Variants in NAAA observed in about 807,000 individuals in gnomAD.
NAAA encodes the protein N-acylethanolamine-hydrolyzing acid amidase.
NAAA carries 39 observed loss-of-function variants against 44.8 expected under a neutral mutation model. The observed-to-expected ratio is 0.87, with a 90% CI of 0.67 to 1.14. NAAA has a LOEUF of 1.14. Among genes scored for constraint, NAAA ranks in the 50% most tolerant of loss-of-function variants. The pLI, the probability that NAAA is intolerant of heterozygous loss-of-function variation, is 0.00. For synonymous variants in NAAA, 178 were observed against 191.3 expected (o/e 0.93, Z 0.58); for missense variants, 460 against 467.8 (o/e 0.98, Z 0.15).
intron 9 of NAAA, chr4:75,916,671 T>A (rs1257734514): frequency 6.6e-6 from 1 of 151,988 alleles, no homozygotes; most frequent in African/African-American, 2.4e-5. Context: ...ACTGCCACCA[T>A]GTAAAATTAT....
intron 5 of NAAA, 132 bp from the exon 6 acceptor site, chr4:75,921,255 T>C: frequency 1.2e-6 from 1 of 827,046 alleles, no homozygotes; most frequent in Non-Finnish European, 1.8e-6. Flanking sequence ...TGCTCTGACC[T>C]TATCCTCTTG....
intron 9 of NAAA, chr4:75,917,190 A>T: frequency 1.6e-6 from 1 of 625,738 alleles, no homozygotes; most frequent in Non-Finnish European, 2.0e-6. Context: ...GTGCCCCGCT[A>T]TGAAGGGTAC....
At position 75,919,238 on chromosome 4, in the gene NAAA, CA is replaced by C. The variant is rs1386736442; in HGVS notation, c.970-450del. 7 of 166,822 alleles carry C rather than the reference CA, an allele frequency of 4.2e-5. No individual in the cohort carries two copies. In the South Asian group the frequency reaches 1.1e-3, roughly 26 times the overall value. 10.3% of individuals were successfully genotyped at this position (166,822 alleles called of 1,614,324 possible). A position where few individuals can be genotyped will look rare whatever the true frequency, so the allele number is the denominator to read the frequency against. ...TATATTTTTAGTAGAGACGGGGTTT[CA>C]CCATGTTGGCCAGGCTGGTCTCGAA... is the stretch of plus-strand genomic sequence containing the variant. On this transcript the variant is annotated intron_variant, in intron 8 of 10. Coordinates refer to ENST00000286733, the MANE Select transcript of NAAA (RefSeq NM_014435.4).
Position 75,940,981 on chromosome 4 carries a change from C to T in NAAA, c.-32G>A. On this transcript the variant is annotated 5_prime_UTR_variant, in exon 1 of 11. Coordinates refer to ENST00000286733, the MANE Select transcript of NAAA (RefSeq NM_014435.4). ...GGCTCCAGCGGCCGCAACTTGGAGA[C>T]CTGCAGCCGCTGTCGGAGCCCGGGT... 6.9e-7 allele frequency: 1 copy of T among 1,442,952 alleles called. No homozygotes were observed. The highest frequency in any genetic ancestry group is 9.0e-7 in the Non-Finnish European group (1 of 1,108,944). The allele number at this position is 1,442,952 out of a possible 1,614,324, so 89.4% of individuals were successfully genotyped here.
chr4:75,940,324 A>C, intron 1 of NAAA, 159 bp from the exon 2 acceptor site: 2 of 485,450 alleles, frequency 4.1e-6, no homozygotes, highest in Non-Finnish European at 6.8e-6. Flanking sequence ...CTCAATCTGC[A>C]GCCTCCCGGG....
rs1728079769 is a variant in NAAA, at chr4:75,939,914, C to G, written c.371+87G>C. ...CAAGCAGGCACCGCCCTGTTTTTAT[C>G]ACACGGAAAATATGTCTCCTCCCGC... On this transcript the variant is annotated intron_variant, in intron 2 of 10. Transcript: ENST00000286733. The G allele has an allele frequency of 2.0e-6, 3 of 1,506,160 alleles. No individual in the cohort carries two copies. In the South Asian group the frequency reaches 3.5e-5, roughly 18 times the overall value. The allele number at this position is 1,506,160 out of a possible 1,614,324, so 93.3% of individuals were successfully genotyped here.
chr4:75,911,153 A>G (rs576554324), downstream of NAAA, among the ~76,000 whole-genome samples: 4 of 152,322 alleles, frequency 2.6e-5, no homozygotes, highest in South Asian at 6.2e-4. Context: ...CACAAAGTCA[A>G]TTGATCAGTT....
chr4:75,918,825 C>T, intron 8 of NAAA, 36 bp from the exon 9 acceptor site: 1 of 1,582,712 alleles, frequency 6.3e-7, no homozygotes, highest in Non-Finnish European at 8.7e-7. Context: ...GAGAAGATTA[C>T]ATGGTAGAAG....
intron 9 of NAAA, 47 bp from the exon 10 acceptor site, chr4:75,915,032 T>G (rs370161116): frequency 8.7e-5 from 122 of 1,396,450 alleles, no homozygotes; most frequent in Middle Eastern, 3.5e-4. Context: ...TTCTCTAATA[T>G]GCCAGAAAGG....
intron 9 of NAAA, 39 bp from the exon 10 acceptor site, chr4:75,915,024 C>T (rs1340617552): frequency 3.5e-6 from 5 of 1,434,978 alleles, no homozygotes; most frequent in South Asian, 3.4e-5. Context: ...ACATCATTTT[C>T]TCTAATATGC....
intron 3 of NAAA, among the ~76,000 whole-genome samples, chr4:75,932,165 G>A (rs1272501230): frequency 6.6e-6 from 1 of 152,152 alleles, no homozygotes; most frequent in East Asian, 1.9e-4. Flanking sequence ...GGAGGCGGAG[G>A]TTGCGGTGAA....
In NAAA at chr4:75,921,068, G is replaced by A. The variant is rs267600261; in HGVS notation, c.722C>T (p.Pro241Leu). The change falls in exon 6 of 11, where the codon CCC becomes CTC. Residue 241 changes from proline (P) to leucine (L), a missense_variant. By Grantham distance (98) the Pro-to-Leu change is moderately conservative. Transcript: ENST00000286733. ...EAAVGKLAKT[P>L]LIADVYYIVG... Reference sequence around the variant, plus strand: ...AATGTAATAAACATCAGCAATAAGGGGAGTCTTGGCCAACTTGCCAACAGC... The same window carrying A: ...AATGTAATAAACATCAGCAATAAGGAGAGTCTTGGCCAACTTGCCAACAGC... The A allele has an allele frequency of 1.3e-6, 2 of 1,599,180 alleles. No homozygotes were observed. The highest frequency in any genetic ancestry group is 1.7e-6 in the Non-Finnish European group (2 of 1,176,058).
At chr4:75,919,861 C>T (rs1725983914) in intron 8 of NAAA, 48 bp downstream of exon 8, 1 of 1,531,432 alleles carries the variant, frequency 6.5e-7, no homozygotes, top group African/African-American at 1.4e-5. Context: ...TCACTATTAA[C>T]AAAACACCAA....
At position 75,940,768 on chromosome 4, in the gene NAAA, C is replaced by T. The variant is rs1431782063; in HGVS notation, c.182G>A (p.Arg61His). 3.1e-6 allele frequency: 5 copies of T among 1,597,916 alleles called. No homozygotes were observed. Among genetic ancestry groups the T allele is most frequent in the African/African-American group, 2.7e-5 (2 of 74,546 alleles). ...CCCGATGACTTGCGCCATCGCGGCG[C>T]GCACCAAGTCCAAGTCGTAGTGCCG... is the stretch of plus-strand genomic sequence containing the variant. ...VLRHYDLDLV[R>H]AAMAQVIGDR... The change falls in exon 1 of 11, where the codon CGC (arginine) becomes CAC (histidine). Residue 61 changes from arginine to histidine, a missense_variant. Arg to His is a conservative substitution (Grantham distance 29). Transcript: ENST00000286733.
At chr4:75,930,623 C>A in intron 4 of NAAA, 1 of 395,546 alleles carries the variant, frequency 2.5e-6, no homozygotes, top group Non-Finnish European at 4.9e-6. Context: ...CCTAAAACAA[C>A]CCAATCTCTA....
intron 9 of NAAA, among the ~76,000 whole-genome samples, chr4:75,918,381 G>A (rs1215222233): frequency 6.6e-6 from 1 of 152,060 alleles, no homozygotes; most frequent in African/African-American, 2.4e-5. Flanking sequence ...TGTGAACCTG[G>A]GAGGCAGAGC....
At chr4:75,939,543 G>A (rs547860780) in intron 2 of NAAA, among the ~76,000 whole-genome samples, 2 of 151,210 alleles carry the variant, frequency 1.3e-5, no homozygotes, top group East Asian at 4.0e-4. Context: ...AACCTCCTAA[G>A]TAGCTGGGAT....
At position 75,914,870 on chromosome 4, in the gene NAAA, T is replaced by C. The variant is rs1385616668; in HGVS notation, c.*34A>G. On this transcript the variant is annotated splice_region_variant and 3_prime_UTR_variant, in exon 10 of 11. Coordinates refer to ENST00000286733, the MANE Select transcript of NAAA (RefSeq NM_014435.4). ...TCCACAAAACAGTAACAACAAACCT[T>C]TCACAGCACGGGCGAACTCGCTCTT... The C allele has an allele frequency of 6.2e-7, 1 of 1,611,492 alleles. No homozygotes were observed. The highest frequency in any genetic ancestry group is 1.3e-5 in the African/African-American group (1 of 74,838).
intron 5 of NAAA, among the ~76,000 whole-genome samples, chr4:75,923,898 C>G (rs1348915703): frequency 5.3e-5 from 8 of 152,128 alleles, no homozygotes; most frequent in African/African-American, 1.7e-4. Flanking sequence ...TGGCACCAGC[C>G]AGGTAGAGAA....
Sources: allele counts gnomAD v4.1 joint callset (sites outside exome capture counted in the v4.1 genomes callset), GRCh38; gene constraint gnomAD v4.1.1; transcripts MANE v1.5; gene names NCBI Gene and HGNC (gene_info 2026-07-23, HGNC 2026-07-21).